Variants in ARHGAP21 observed in about 807,000 individuals in gnomAD.
ARHGAP21 encodes the protein Rho GTPase activating protein 21.
ARHGAP21 carries 38 observed loss-of-function variants against 164.6 expected under a neutral mutation model. The ratio of observed to expected loss-of-function variants is 0.23; its 90% CI spans 0.18 to 0.30. The LOEUF is 0.30. Ranked by LOEUF, ARHGAP21 falls within the 10% of genes least tolerant of loss-of-function variation. ARHGAP21 has a pLI of 1.00. For synonymous variants in ARHGAP21, 766 were observed against 857.9 expected, an observed-to-expected ratio of 0.89 and a Z score of 1.87; for missense variants, 1,822 against 2,370.7, an observed-to-expected ratio of 0.77 and a Z score of 4.81.
At chr10:24,653,000 GA>G (rs972520298) in intron 4 of ARHGAP21, among the ~76,000 whole-genome samples, 2 of 152,080 alleles carry the variant, frequency 1.3e-5, no homozygotes, top group Non-Finnish European at 2.9e-5. Flanking sequence ...GCTAAACACT[GA>G]AAAAAATTCA....
intron 9 of ARHGAP21, among the ~76,000 whole-genome samples, chr10:24,615,046 T>A (rs963611653): frequency 1.3e-5 from 2 of 151,256 alleles, no homozygotes; most frequent in Non-Finnish European, 2.9e-5. Context: ...AAAAATTAGC[T>A]GGGCATGGTG....
intron 4 of ARHGAP21, among the ~76,000 whole-genome samples, chr10:24,651,107 C>CTG: frequency 6.6e-6 from 1 of 152,210 alleles, no homozygotes; most frequent in Non-Finnish European, 1.5e-5. Context: ...TGGAGGTGGG[C>CTG]TGTTCCTCTG....
At chr10:24,642,522 A>G (rs970369218) in intron 4 of ARHGAP21, among the ~76,000 whole-genome samples, 2 of 151,458 alleles carry the variant, frequency 1.3e-5, no homozygotes, top group Non-Finnish European at 2.9e-5. Context: ...CTCAAAAAAA[A>G]AAAAAAAAAA....
intron 9 of ARHGAP21, among the ~76,000 whole-genome samples, chr10:24,615,412 T>G (rs2077436445): frequency 2.6e-5 from 4 of 152,056 alleles, no homozygotes; most frequent in African/African-American, 9.7e-5. Flanking sequence ...GGAGGAGAAG[T>G]CTTAGAGATA....
chr10:24,584,683 T>C lies in ARHGAP21; in HGVS notation c.5606A>G (p.Glu1869Gly). Residue 1869 changes from glutamate to glycine, a missense_variant, in exon 26 of 26, where the codon GAA becomes GGA. Around this residue, in one of 5 missense-constraint regions of ARHGAP21, gnomAD observed 165 missense variants for 176.6 expected, o/e 0.93. Coordinates refer to ENST00000396432, the MANE Select transcript of ARHGAP21 (RefSeq NM_020824.4). Reference protein sequence around the residue: ...RTSTSDLSRGEIGDPQTENPS... With the variant: ...RTSTSDLSRGGIGDPQTENPS... ...GTTCTCTGTCTGGGGATCTCCGATT[T>C]CTCCTCTGCTAAGGTCAGAGGTACT... The C allele has an allele frequency of 6.2e-7, 1 of 1,613,906 alleles. No individual in the cohort carries two copies. The highest frequency in any genetic ancestry group is 2.2e-5 in the East Asian group (1 of 44,882).
chr10:24,645,393 C>G (rs919543240), intron 4 of ARHGAP21, among the ~76,000 whole-genome samples: 13 of 151,900 alleles, frequency 8.6e-5, no homozygotes, highest in Non-Finnish European at 1.9e-4. Flanking sequence ...CCAGCCTGGC[C>G]AACATGGTGA....
At chr10:24,635,219 A>G (rs1836250709) in intron 4 of ARHGAP21, 116 bp from the exon 5 acceptor site, 1 of 576,026 alleles carries the variant, frequency 1.7e-6, no homozygotes, top group Non-Finnish European at 2.8e-6. Context: ...TATTAAATAC[A>G]TATCCTGAAT....
rs1056215158 is a variant in ARHGAP21 at position 24,585,794 on chromosome 10, G to T, written c.4495C>A (p.Pro1499Thr). 6.2e-7 allele frequency: 1 copy of T among 1,613,920 alleles called. No homozygotes were observed. Among genetic ancestry groups the T allele is most frequent in the Non-Finnish European group, 8.5e-7 (1 of 1,179,874 alleles). Residue 1499 changes from proline (P) to threonine (T), a missense_variant, in exon 26 of 26, where the codon CCT becomes ACT. This residue lies in a region of ARHGAP21 where 333 missense variants were observed against 383.9 expected (regional missense o/e 0.87). Transcript: ENST00000396432. ...EKISLGKEST[P>T]SEEPSPPHNS... Reference sequence around the variant, plus strand: ...TGTGGTGGTGAGGGTTCTTCAGAAGGCGTGCTCTCTTTTCCTAGTGATATC... The same window carrying T: ...TGTGGTGGTGAGGGTTCTTCAGAAGTCGTGCTCTCTTTTCCTAGTGATATC...
At chr10:24,628,952 C>CCATATATATATATATATATA (rs1554977802) in intron 7 of ARHGAP21, 1 of 13,764 alleles carries the variant, frequency 7.3e-5, no homozygotes, top group Non-Finnish European at 1.1e-4. Flanking sequence ...CACACACACA[C>CCATATATATATATATATATA]TATATATATA....
In ARHGAP21 at chr10:24,691,081, C is replaced by A. The variant is rs34371446; in HGVS notation, c.64-20684G>T. 8.9e-3 allele frequency among the ~76,000 whole-genome samples: 1,361 copies of A among 152,166 alleles called. 48 individuals are homozygous for A. The highest frequency in any genetic ancestry group is 0.067 in the Admixed American group (1,030 of 15,270). On this transcript the variant is annotated intron_variant, in intron 2 of 25. Coordinates refer to ENST00000396432, the MANE Select transcript of ARHGAP21 (RefSeq NM_020824.4). ...GAACTCAAAGCAAAATCCCTGGGAA[C>A]TGGAAAGGAAGCTTAAAATACACAG...
chr10:24,588,486 TAG>T (rs1368100584), intron 25 of ARHGAP21, among the ~76,000 whole-genome samples: 1 of 146,778 alleles, frequency 6.8e-6, no homozygotes. Context: ...TCACAAGTAA[TAG>T]AGACATGATA....
chr10:24,703,960 T>C lies in ARHGAP21; in HGVS notation c.63+17877A>G, dbSNP rs117586510. On this transcript the variant is annotated intron_variant, in intron 2 of 25. Coordinates refer to ENST00000396432, the MANE Select transcript of ARHGAP21 (RefSeq NM_020824.4). ...TTAGATCTCACTATTTTGAAAACCT[T>C]GAATTAGTCATCAACATTTAAAAAT... Among the ~76,000 whole-genome samples the C allele has an allele frequency of 1.5e-3, 228 of 152,318 alleles. 5 individuals carry two copies. The East Asian group carries it at 0.037, about 25-fold the overall frequency.
intron 11 of ARHGAP21, among the ~76,000 whole-genome samples, 154 bp from the exon 12 acceptor site, chr10:24,604,502 AAAG>A (rs1038926367): frequency 1.3e-5 from 2 of 152,232 alleles, no homozygotes; most frequent in African/African-American, 2.4e-5. Context: ...GAAGAGAAAA[AAAG>A]CTAATTTTAT....
chr10:24,612,630 G>A (rs1005754397), intron 9 of ARHGAP21, among the ~76,000 whole-genome samples: 18 of 152,138 alleles, frequency 1.2e-4, no homozygotes, highest in African/African-American at 3.6e-4. Flanking sequence ...CAAGGCGGGC[G>A]GATCACGAGG....
chr10:24,697,768 G>A lies in ARHGAP21; in HGVS notation c.63+24069C>T, dbSNP rs11819467. 5.9e-3 allele frequency among the ~76,000 whole-genome samples: 903 copies of A among 152,210 alleles called. 12 individuals are homozygous for A. Among genetic ancestry groups the A allele is most frequent in the African/African-American group, 0.02 (830 of 41,508 alleles). On this transcript the variant is annotated intron_variant, in intron 2 of 25. Transcript: ENST00000396432. ...CCAGCTACTAGGGAGGCTGAGGCAG[G>A]AGAATCGCTTGAACCTGAGAGGCAG...
At chr10:24,666,546 C>G (rs929744877) in intron 4 of ARHGAP21, among the ~76,000 whole-genome samples, 1 of 152,160 alleles carries the variant, frequency 6.6e-6, no homozygotes, top group Non-Finnish European at 1.5e-5. Context: ...TGTCCTTTTA[C>G]GTTCATTAAT....
At chr10:24,602,370 G>C (rs34023724) in intron 12 of ARHGAP21, among the ~76,000 whole-genome samples, 3,835 of 152,266 alleles carry the variant, frequency 0.025, 63 homozygotes, top group Non-Finnish European at 0.036. Context: ...TGATCCGTTT[G>C]TGATTTATGT....
intron 7 of ARHGAP21, among the ~76,000 whole-genome samples, chr10:24,625,299 G>GCAAAAAAAAAAAAAAAAAAA (rs768183583): frequency 1.9e-5 from 1 of 53,796 alleles, no homozygotes; most frequent in Non-Finnish European, 3.4e-5. Flanking sequence ...ATGAAACAGA[G>GCAAAAAAAAAAAAAAAAAAA]AAAAAAAAAA....
intron 24 of ARHGAP21, chr10:24,590,100 A>C: frequency 5.7e-6 from 6 of 1,051,952 alleles, no homozygotes; most frequent in Non-Finnish European, 6.1e-6. Context: ...TTCATCTTTC[A>C]ACATTAGGGA....
Sources: allele counts gnomAD v4.1 joint callset (sites outside exome capture counted in the v4.1 genomes callset), GRCh38; gene constraint gnomAD v4.1.1; regional missense constraint gnomAD v4.1.1; transcripts MANE v1.5; gene names NCBI Gene and HGNC (gene_info 2026-07-23, HGNC 2026-07-21).